The following FRMD5 variants were observed in gnomAD, a reference collection of about 807,000 sequenced individuals.
FRMD5 encodes FERM domain containing 5, also known as FERM domain-containing protein 5.
In FRMD5, 20 loss-of-function variants were observed where a neutral mutation model predicts 69.0. The observed-to-expected ratio is 0.29, with a 90% confidence interval of 0.20 to 0.42. The LOEUF is 0.42. Ranked by LOEUF, FRMD5 falls within the 10% of genes least tolerant of loss-of-function variation. FRMD5 has a pLI of 1.00. For synonymous variants in FRMD5, 271 were observed against 260.1 expected (o/e 1.04, Z -0.40); for missense variants, 595 against 708.6 (o/e 0.84, Z 1.82).
intron 1 of FRMD5, among the ~76,000 whole-genome samples, chr15:44,058,537 TG>T (rs905433717): frequency 3.9e-4 from 59 of 152,224 alleles, no homozygotes; most frequent in African/African-American, 1.4e-3. Flanking sequence ...TTAAAAGTAA[TG>T]GGCTTTGGGA....
intron 1 of FRMD5, among the ~76,000 whole-genome samples, chr15:43,991,581 C>T (rs983406167): frequency 2.0e-5 from 3 of 152,146 alleles, no homozygotes; most frequent in Non-Finnish European, 4.4e-5. Context: ...TAACACCCTC[C>T]CAGGACAAGG....
chr15:44,027,015 C>A (rs1467176180), intron 1 of FRMD5, among the ~76,000 whole-genome samples: 2 of 152,270 alleles, frequency 1.3e-5, no homozygotes, highest in Non-Finnish European at 2.9e-5. Flanking sequence ...CAAGAAGAAT[C>A]TGTGGTGTTT....
chr15:43,995,042 T>C (rs933138286), intron 1 of FRMD5, among the ~76,000 whole-genome samples: 3 of 152,186 alleles, frequency 2.0e-5, no homozygotes, highest in Admixed American at 6.5e-5. Context: ...ACTTTGAATA[T>C]AGTCATCCCT....
intron 1 of FRMD5, among the ~76,000 whole-genome samples, chr15:44,044,974 A>C (rs961708274): frequency 6.6e-6 from 1 of 152,140 alleles, no homozygotes; most frequent in African/African-American, 2.4e-5. Context: ...TTTCCTTTTT[A>C]AGCTTTCTGT....
In FRMD5 at chr15:43,870,812, A is replaced by G. The variant is rs1258536329; in HGVS notation, c.*3073T>C. On this transcript the variant is annotated 3_prime_UTR_variant, in exon 14 of 14. Transcript: ENST00000417257. ...TTTAAAAATAATCTTCATGGCACCA[A>G]TGATTTTATGCTAACTACATACTGC... 1 of 152,186 alleles carries G rather than the reference A, an allele frequency of 6.6e-6. No homozygotes were observed. The highest frequency in any genetic ancestry group is 1.5e-5 in the Non-Finnish European group (1 of 68,040). The allele number at this position is 152,186 out of a possible 1,614,324, so 9.4% of individuals were successfully genotyped here.
chr15:44,064,167 G>T, intron 1 of FRMD5: 1 of 219,628 alleles, frequency 4.6e-6, no homozygotes, highest in South Asian at 6.7e-5. Flanking sequence ...CTGTGGGTAA[G>T]GTCATCCCTG....
chr15:44,010,517 C>T (rs1890669247), intron 1 of FRMD5, among the ~76,000 whole-genome samples: 3 of 151,764 alleles, frequency 2.0e-5, no homozygotes, highest in South Asian at 4.1e-4. Flanking sequence ...CCTGCTTCGG[C>T]CTCCTGAGTA....
intron 1 of FRMD5, among the ~76,000 whole-genome samples, chr15:44,030,134 C>T (rs1891614092): frequency 6.6e-6 from 1 of 151,916 alleles, no homozygotes. Context: ...GAACAGAATT[C>T]CTGGCATAAC....
chr15:44,027,621 T>C (rs1891485502), intron 1 of FRMD5, among the ~76,000 whole-genome samples: 1 of 149,832 alleles, frequency 6.7e-6, no homozygotes, highest in Admixed American at 6.7e-5. Flanking sequence ...TGGAAACCTG[T>C]GCTGACTTTC....
At chr15:44,195,997 A>T (rs1053073718), upstream of FRMD5, among the ~76,000 whole-genome samples, 1 of 152,206 alleles carries the variant, frequency 6.6e-6, no homozygotes, top group Non-Finnish European at 1.5e-5. Context: ...ACTGGAAATT[A>T]TGTCTTCAGA....
Position 43,922,022 on chromosome 15 carries a change from A to G in FRMD5, c.207+2183T>C, listed in dbSNP as rs529653818. 7.2e-4 allele frequency among the ~76,000 whole-genome samples: 110 copies of G among 152,310 alleles called. 5 individuals carry two copies. In the South Asian group the frequency reaches 0.021, roughly 29 times the overall value. ...AGGGGAGCTCAGCTCCTCCATCCCTACCATGAATCAGTGGACTAAGGACAA... is the reference window on the plus strand; with the variant it reads ...AGGGGAGCTCAGCTCCTCCATCCCTGCCATGAATCAGTGGACTAAGGACAA... On this transcript the variant is annotated intron_variant, in intron 2 of 13. Coordinates refer to ENST00000417257, the MANE Select transcript of FRMD5 (RefSeq NM_032892.5).
In FRMD5 at chr15:43,960,117, C is replaced by G. The variant is rs536011906; in HGVS notation, c.103-35808G>C. Among the ~76,000 whole-genome samples the G allele has an allele frequency of 3.9e-5, 6 of 151,956 alleles. No homozygotes were observed. The East Asian group carries it at 1.2e-3, about 30-fold the overall frequency. On this transcript the variant is annotated intron_variant, in intron 1 of 13. Transcript: ENST00000417257. ...TTGTTTTGTTTTTTTGAGACGGAGT[C>G]TCGCTCTGTCGCCCAGGCTGGAGTG... is the stretch of plus-strand genomic sequence containing the variant.
chr15:44,062,267 G>A (rs1893119649), intron 1 of FRMD5, among the ~76,000 whole-genome samples: 1 of 152,132 alleles, frequency 6.6e-6, no homozygotes, highest in Admixed American at 6.5e-5. Flanking sequence ...TCCTTCTCAA[G>A]TAAGTTGATT....
At chr15:44,132,979 T>G (rs1199201514) in intron 1 of FRMD5, among the ~76,000 whole-genome samples, 3 of 151,626 alleles carry the variant, frequency 2.0e-5, no homozygotes, top group Non-Finnish European at 2.9e-5. Flanking sequence ...GCCGGGATGG[T>G]CTCAAACTCC....
chr15:43,943,721 T>G (rs1472057764), intron 1 of FRMD5, among the ~76,000 whole-genome samples: 1 of 152,222 alleles, frequency 6.6e-6, no homozygotes, highest in Non-Finnish European at 1.5e-5. Context: ...CAGCAACCAC[T>G]AGCAGCTGGG....
chr15:43,906,450 A>C (rs901575008), intron 5 of FRMD5, among the ~76,000 whole-genome samples: 2 of 152,242 alleles, frequency 1.3e-5, no homozygotes, highest in Non-Finnish European at 2.9e-5. Context: ...TTCAGAACTC[A>C]ACCCTCAGTT....
chr15:44,033,631 T>A (rs569774764), intron 1 of FRMD5, among the ~76,000 whole-genome samples: 1 of 152,292 alleles, frequency 6.6e-6, no homozygotes, highest in South Asian at 2.1e-4. Flanking sequence ...AGTAAACAAT[T>A]CTAATATTTC....
chr15:43,903,209 C>T (rs1333339651), intron 6 of FRMD5, among the ~76,000 whole-genome samples: 1 of 152,238 alleles, frequency 6.6e-6, no homozygotes, highest in Admixed American at 6.5e-5. Context: ...TATACTTCTA[C>T]AGATACAGGT....
intron 1 of FRMD5, among the ~76,000 whole-genome samples, chr15:44,098,115 C>CAAAAAAAAA (rs749591300): frequency 7.6e-4 from 12 of 15,716 alleles, no homozygotes; most frequent in Non-Finnish European, 1.9e-3. Context: ...AGTGACAAAA[C>CAAAAAAAAA]AAAAAAAAAA....
Sources: gnomAD v4.1 joint callset for allele counts (sites outside exome capture counted in the v4.1 genomes callset) on GRCh38, gnomAD v4.1.1 for gene constraint, MANE v1.5 for transcripts, NCBI Gene and HGNC (gene_info 2026-07-23, HGNC 2026-07-21) for gene names.